SLC4A10: variants seen among roughly 807,000 people sequenced by gnomAD.
The protein encoded by SLC4A10 is solute carrier family 4 member 10, also known as sodium-driven chloride bicarbonate exchanger.
Under a neutral mutation model 137.7 loss-of-function variants are expected in SLC4A10, and 42 were observed. The observed-to-expected ratio is 0.30, with a 90% CI of 0.24 to 0.39. SLC4A10 has a LOEUF of 0.39. Among genes scored for constraint, SLC4A10 ranks in the 10% least tolerant of loss-of-function variants. SLC4A10 has a pLI of 1.00. For missense variants in SLC4A10, 925 were observed against 1,355.0 expected, an observed-to-expected ratio of 0.68 and a Z score of 4.98; for synonymous variants, 474 against 464.1, an observed-to-expected ratio of 1.02 and a Z score of -0.27.
intron 6 of SLC4A10, 87 bp from the exon 7 acceptor site, chr2:161,872,206 C>T: frequency 1.2e-6 from 1 of 842,414 alleles, no homozygotes; most frequent in Admixed American, 2.1e-5. Context: ...ACCTGTTAGT[C>T]TAGTTTAATT....
chr2:161,875,456 C>T (rs913490175), intron 8 of SLC4A10, among the ~76,000 whole-genome samples: 1 of 152,156 alleles, frequency 6.6e-6, no homozygotes, highest in African/African-American at 2.4e-5. Flanking sequence ...ATTCCATCTA[C>T]ATTCAACCTA....
chr2:161,934,030 T>C (rs1691114204), intron 15 of SLC4A10, among the ~76,000 whole-genome samples: 1 of 152,182 alleles, frequency 6.6e-6, no homozygotes, highest in Non-Finnish European at 1.5e-5. Context: ...TTTAATTTTG[T>C]GCACACAGTA....
intron 1 of SLC4A10, among the ~76,000 whole-genome samples, chr2:161,636,134 T>C (rs2034346513): frequency 6.6e-6 from 1 of 152,184 alleles, no homozygotes; most frequent in South Asian, 2.1e-4. Context: ...CAAGTTAGTA[T>C]GAGTTTATTT....
At chr2:161,947,007 A>G (rs994441746) in intron 16 of SLC4A10, among the ~76,000 whole-genome samples, 2 of 152,096 alleles carry the variant, frequency 1.3e-5, no homozygotes. Context: ...CTTAGTCAAT[A>G]AGCAATAATA....
At chr2:161,798,791 A>C (rs1452608855) in intron 2 of SLC4A10, among the ~76,000 whole-genome samples, 2 of 150,682 alleles carry the variant, frequency 1.3e-5, no homozygotes, top group African/African-American at 2.4e-5. Context: ...TTTTTCTCAG[A>C]ATTCATTATG....
At chr2:161,683,218 AT>A (rs1483970994) in intron 1 of SLC4A10, among the ~76,000 whole-genome samples, 1 of 152,132 alleles carries the variant, frequency 6.6e-6, no homozygotes, top group Non-Finnish European at 1.5e-5. Context: ...AAAATCTCCT[AT>A]TTAGTTGTCT....
At chr2:161,976,914 C>T (rs1699472853) in intron 25 of SLC4A10, 38 bp downstream of exon 25, 1 of 1,114,728 alleles carries the variant, frequency 9.0e-7, no homozygotes, top group African/African-American at 1.6e-5. Context: ...ATACTAATTC[C>T]AATTGTTTTT....
At chr2:161,910,889 T>C (rs1459128721) in intron 15 of SLC4A10, among the ~76,000 whole-genome samples, 1 of 152,002 alleles carries the variant, frequency 6.6e-6, no homozygotes, top group East Asian at 1.9e-4. Flanking sequence ...GTAGAAAACA[T>C]TTAACAATGA....
In SLC4A10 at chr2:161,760,338, C is replaced by T. The variant is rs1018212109; in HGVS notation, c.49-10635C>T. Among the ~76,000 whole-genome samples the T allele has an allele frequency of 9.2e-5, 14 of 151,808 alleles. 1 individual carries two copies. The highest frequency in any genetic ancestry group is 1.5e-5 in the Non-Finnish European group (1 of 67,934). ...TCATCTTTCCAGTTAACTGTTTTGCCCATCCATGGAATTTGCAATTTTAAG... is the reference window on the plus strand; with the variant it reads ...TCATCTTTCCAGTTAACTGTTTTGCTCATCCATGGAATTTGCAATTTTAAG... On this transcript the variant is annotated intron_variant, in intron 1 of 26. Coordinates refer to ENST00000446997, the MANE Select transcript of SLC4A10 (RefSeq NM_001178015.2).
intron 5 of SLC4A10, among the ~76,000 whole-genome samples, chr2:161,861,892 A>G (rs1238856949): frequency 2.0e-5 from 3 of 152,222 alleles, no homozygotes; most frequent in Admixed American, 6.5e-5. Context: ...CTGAAGGAAA[A>G]CATTGTTGGT....
intron 16 of SLC4A10, among the ~76,000 whole-genome samples, chr2:161,944,881 C>A (rs1166394653): frequency 2.0e-5 from 3 of 151,376 alleles, no homozygotes; most frequent in African/African-American, 7.3e-5. Context: ...AAGCACTGAA[C>A]TAGTGGCTAT....
chr2:161,950,405 G>A (rs1424623643), intron 18 of SLC4A10, among the ~76,000 whole-genome samples: 2 of 151,784 alleles, frequency 1.3e-5, no homozygotes, highest in Non-Finnish European at 1.5e-5. Flanking sequence ...TCTCTACCAC[G>A]TACTAGCTTT....
At chr2:161,773,385 T>C (rs1394267410) in intron 2 of SLC4A10, among the ~76,000 whole-genome samples, 2 of 151,856 alleles carry the variant, frequency 1.3e-5, no homozygotes, top group Non-Finnish European at 1.5e-5. Context: ...CACATTCAAA[T>C]TGTAGTATCC....
chr2:161,911,555 A>AT (rs1405221691), intron 15 of SLC4A10, among the ~76,000 whole-genome samples: 3 of 152,064 alleles, frequency 2.0e-5, no homozygotes, highest in Non-Finnish European at 2.9e-5. Flanking sequence ...TTTAAATCAC[A>AT]TTTTTTGCGA....
At chr2:161,969,519 A>G (rs997465008) in intron 23 of SLC4A10, among the ~76,000 whole-genome samples, 1 of 152,194 alleles carries the variant, frequency 6.6e-6, no homozygotes, top group Non-Finnish European at 1.5e-5. Context: ...TCTCTAGGCC[A>G]TTGTACACAT....
intron 2 of SLC4A10, among the ~76,000 whole-genome samples, chr2:161,778,644 T>C (rs956019884): frequency 1.3e-5 from 2 of 151,954 alleles, no homozygotes; most frequent in African/African-American, 2.4e-5. Context: ...TCTAATGACA[T>C]GCATATACTA....
intron 2 of SLC4A10, among the ~76,000 whole-genome samples, chr2:161,785,917 T>C (rs1309493484): frequency 2.6e-5 from 4 of 151,954 alleles, no homozygotes; most frequent in African/African-American, 4.8e-5. Flanking sequence ...GAATGTTCAG[T>C]AGATGTTTAT....
At chr2:161,960,775 T>A (rs1181785031) in intron 21 of SLC4A10, among the ~76,000 whole-genome samples, 2 of 150,554 alleles carry the variant, frequency 1.3e-5, no homozygotes, top group African/African-American at 4.9e-5. Context: ...TTGCCATAAA[T>A]CAAGGGTGCT....
rs1684236404 is a variant in SLC4A10, at chr2:161,905,901, C to A, written c.1997+14C>A. 6.3e-7 allele frequency: 1 copy of A among 1,577,032 alleles called. No homozygotes were observed. The highest frequency in any genetic ancestry group is 8.6e-7 in the Non-Finnish European group (1 of 1,162,388). ...GACACAATACTCGTAAGTACCATTT[C>A]CCCTGCTGGCCTTGGGGCTTTTCTT... On this transcript the variant is annotated intron_variant, in intron 15 of 26. Transcript: ENST00000446997.
Sources: gnomAD v4.1 joint callset for allele counts (sites outside exome capture counted in the v4.1 genomes callset) on GRCh38, gnomAD v4.1.1 for gene constraint, MANE v1.5 for transcripts, NCBI Gene and HGNC (gene_info 2026-07-23, HGNC 2026-07-21) for gene names.